AMPH: variants seen among roughly 807,000 people sequenced by gnomAD.
AMPH encodes the protein amphiphysin.
In AMPH, 49 loss-of-function variants were observed where a neutral mutation model predicts 99.1. The ratio of observed to expected loss-of-function variants is 0.49; its 90% confidence interval spans 0.39 to 0.63. The LOEUF is 0.63. Among genes scored for constraint, AMPH ranks in the 20% least tolerant of loss-of-function variants. The pLI is 0.00. For missense variants in AMPH, 759 were observed against 863.4 expected, an observed-to-expected ratio of 0.88 and a Z score of 1.52; for synonymous variants, 314 against 317.3, an observed-to-expected ratio of 0.99 and a Z score of 0.11.
At chr7:38,429,747 T>C in intron 14 of AMPH, 95 bp downstream of exon 14, 6 of 1,413,770 alleles carry the variant, frequency 4.2e-6, no homozygotes, top group Non-Finnish European at 5.9e-6. Context: ...TGACTAGCAA[T>C]GCCATGGGGA....
chr7:38,443,973 A>G (rs1584099738), intron 11 of AMPH, among the ~76,000 whole-genome samples: 1 of 152,204 alleles, frequency 6.6e-6, no homozygotes, highest in East Asian at 1.9e-4. Flanking sequence ...ATAGAAACTA[A>G]TAATTCAGTT....
In AMPH at chr7:38,429,111, T is replaced by C. The variant is rs536119353; in HGVS notation, c.1182+731A>G. On this transcript the variant is annotated intron_variant, in intron 14 of 20. Transcript: ENST00000356264. ...AGAATCTTCCATCTTCTGTTTCTCT[T>C]CCTCTTCATCTGACTTCTTCATATC... 6 of 1,290,322 alleles carry C rather than the reference T, an allele frequency of 4.7e-6. No individual in the cohort carries two copies. In the African/African-American group the frequency reaches 9.1e-5, roughly 20 times the overall value. 79.9% of individuals were successfully genotyped at this position (1,290,322 alleles called of 1,614,324 possible). A position where few individuals can be genotyped will look rare whatever the true frequency, so the allele number is the denominator to read the frequency against.
At chr7:38,484,491 ATACTTGTTTCTTGCATTCT>A (rs1461708038) in intron 5 of AMPH, among the ~76,000 whole-genome samples, 1 of 152,098 alleles carries the variant, frequency 6.6e-6, no homozygotes, top group Non-Finnish European at 1.5e-5. Flanking sequence ...TGAAACAAGA[ATACTTGTTTCTTGCATTCT>A]TAAAGAAGAG....
chr7:38,570,398 G>A (rs574002633), intron 1 of AMPH, among the ~76,000 whole-genome samples: 40 of 152,234 alleles, frequency 2.6e-4, no homozygotes, highest in African/African-American at 9.1e-4. Flanking sequence ...GTACAGTCAT[G>A]AGCCGCATAA....
chr7:38,543,222 A>G (rs1359250012), intron 1 of AMPH, among the ~76,000 whole-genome samples: 1 of 152,196 alleles, frequency 6.6e-6, no homozygotes, highest in African/African-American at 2.4e-5. Flanking sequence ...GCATCGCTGC[A>G]CTTCAGCCTG....
chr7:38,489,142 G>A (rs937463665), intron 5 of AMPH, among the ~76,000 whole-genome samples: 1 of 152,160 alleles, frequency 6.6e-6, no homozygotes, highest in Non-Finnish European at 1.5e-5. Flanking sequence ...CATAAAGACA[G>A]TTATACAGAC....
intron 7 of AMPH, 127 bp from the exon 8 acceptor site, chr7:38,466,375 T>A: frequency 2.7e-6 from 2 of 728,082 alleles, no homozygotes; most frequent in Non-Finnish European, 4.5e-6. Context: ...AACTTTGGAC[T>A]AAATAAAATA....
chr7:38,426,747 G>T (rs570353558), intron 15 of AMPH, among the ~76,000 whole-genome samples: 2 of 152,320 alleles, frequency 1.3e-5, no homozygotes, highest in East Asian at 3.9e-4. Context: ...TAAACACTCT[G>T]TTGCATAGCT....
At chr7:38,388,354 T>C (rs1289096219) in intron 20 of AMPH, among the ~76,000 whole-genome samples, 1 of 152,138 alleles carries the variant, frequency 6.6e-6, no homozygotes, top group African/African-American at 2.4e-5. Flanking sequence ...GCTTTGTGAC[T>C]TTTCTTTCTT....
At chr7:38,499,807 T>C (rs1384128838) in intron 3 of AMPH, among the ~76,000 whole-genome samples, 1 of 152,186 alleles carries the variant, frequency 6.6e-6, no homozygotes, top group Non-Finnish European at 1.5e-5. Context: ...GGGAAGTAAC[T>C]GATCATGCGG....
At chr7:38,567,426 T>C (rs1489000380) in intron 1 of AMPH, among the ~76,000 whole-genome samples, 3 of 151,986 alleles carry the variant, frequency 2.0e-5, no homozygotes, top group African/African-American at 2.4e-5. Flanking sequence ...TTAGGAGAAA[T>C]ACCTAATATA....
intron 3 of AMPH, among the ~76,000 whole-genome samples, chr7:38,495,871 A>G (rs1252473974): frequency 1.3e-5 from 2 of 152,150 alleles, no homozygotes; most frequent in African/African-American, 4.8e-5. Flanking sequence ...CAGTCCTTTT[A>G]GTCTCTCCCA....
chr7:38,434,321 G>A (rs978434589), intron 12 of AMPH, among the ~76,000 whole-genome samples: 1 of 152,190 alleles, frequency 6.6e-6, no homozygotes, highest in African/African-American at 2.4e-5. Context: ...ATGGATTAAT[G>A]TAATCATGAA....
intron 1 of AMPH, among the ~76,000 whole-genome samples, chr7:38,628,491 A>G (rs1794335614): frequency 6.6e-6 from 1 of 152,240 alleles, no homozygotes; most frequent in African/African-American, 2.4e-5. Context: ...AACACTGGAA[A>G]AATGAATATT....
Position 38,465,448 on chromosome 7 carries a change from C to T in AMPH, c.749+19G>A. The T allele has an allele frequency of 6.4e-6, 10 of 1,559,806 alleles. No homozygotes were observed. Among genetic ancestry groups the T allele is most frequent in the Non-Finnish European group, 8.7e-6 (10 of 1,149,794 alleles). On this transcript the variant is annotated intron_variant, in intron 9 of 20. Coordinates refer to ENST00000356264, the MANE Select transcript of AMPH (RefSeq NM_001635.4). ...TAGCAAGCAGGACATTACAGGTGCT[C>T]CAATGAGCAGGGGCCTACCTGGGCG...
At chr7:38,407,046 C>A (rs865926667) in intron 17 of AMPH, among the ~76,000 whole-genome samples, 19 of 15,058 alleles carry the variant, frequency 1.3e-3, no homozygotes, top group South Asian at 4.3e-3. Flanking sequence ...CTCTCTCTCT[C>A]TCTATATATA....
intron 1 of AMPH, among the ~76,000 whole-genome samples, chr7:38,557,705 G>A (rs924515341): frequency 6.6e-6 from 1 of 152,154 alleles, no homozygotes; most frequent in African/African-American, 2.4e-5. Flanking sequence ...GATAACGGCT[G>A]TGAACAAGAC....
intron 2 of AMPH, among the ~76,000 whole-genome samples, chr7:38,527,602 A>C (rs1790235091): frequency 6.6e-6 from 1 of 152,084 alleles, no homozygotes; most frequent in South Asian, 2.1e-4. Flanking sequence ...ATATCTTGTG[A>C]CCTCACTGAA....
At chr7:38,623,161 C>T (rs17500381) in intron 1 of AMPH, among the ~76,000 whole-genome samples, 5,552 of 152,060 alleles carry the variant, frequency 0.037, 163 homozygotes, top group Admixed American at 0.079. Context: ...TCATTTAATT[C>T]GAATATTTAA....
Sources: gnomAD v4.1 joint callset for allele counts (sites outside exome capture counted in the v4.1 genomes callset) on GRCh38, gnomAD v4.1.1 for gene constraint, MANE v1.5 for transcripts, NCBI Gene and HGNC (gene_info 2026-07-23, HGNC 2026-07-21) for gene names.